Variants in JAKMIP2 observed in about 807,000 individuals in gnomAD.
JAKMIP2 encodes the protein janus kinase and microtubule interacting protein 2.
Under a neutral mutation model 115.0 loss-of-function variants are expected in JAKMIP2, and 25 were observed. The ratio of observed to expected loss-of-function variants is 0.22; its 90% CI spans 0.16 to 0.30. The LOEUF (loss-of-function observed/expected upper bound fraction) is 0.30, where lower values mean the gene tolerates loss of function less well. Among genes scored for constraint, JAKMIP2 ranks in the 10% least tolerant of loss-of-function variants. The pLI is 1.00. For missense variants in JAKMIP2, 642 were observed against 957.6 expected (o/e 0.67, Z 4.35); for synonymous variants, 334 against 343.6 (o/e 0.97, Z 0.31).
At chr5:147,697,658 A>T (rs937098927) in intron 1 of JAKMIP2, among the ~76,000 whole-genome samples, 5 of 152,208 alleles carry the variant, frequency 3.3e-5, no homozygotes, top group African/African-American at 1.2e-4. Flanking sequence ...GCCAAGGTAC[A>T]GCTCAGGCCA....
rs149801674 is a variant in JAKMIP2 at position 147,644,865 on chromosome 5, C to G, written c.1068G>C (p.Lys356Asn). Reference protein sequence around the residue: ...RMEEKLKAVTKENSEMREKIT... With the variant: ...RMEEKLKAVTNENSEMREKIT... ...TGATACACACCATTTCTGAATTTTC[C>G]TTGGTAACGGCTTTTAGTTTTTCTT... Residue 356 changes from lysine (K) to asparagine (N), a missense_variant, in exon 6 of 22, where the codon AAG becomes AAC. This residue lies in a region of JAKMIP2 where 439 missense variants were observed against 570.9 expected (regional missense o/e 0.77). Coordinates refer to ENST00000616793, the MANE Select transcript of JAKMIP2 (RefSeq NM_001270941.2). 1 of 1,613,180 alleles carries G rather than the reference C, an allele frequency of 6.2e-7. No individual in the cohort carries two copies. The highest frequency in any genetic ancestry group is 1.3e-5 in the African/African-American group (1 of 74,712).
intron 19 of JAKMIP2, among the ~76,000 whole-genome samples, chr5:147,616,238 C>T (rs1561849221): frequency 1.3e-5 from 2 of 152,126 alleles, no homozygotes; most frequent in East Asian, 1.9e-4. Flanking sequence ...TGGCCAATAT[C>T]TTCTGGAATA....
At chr5:147,677,791 A>T (rs73270129) in intron 1 of JAKMIP2, among the ~76,000 whole-genome samples, 2,832 of 152,286 alleles carry the variant, frequency 0.019, 90 homozygotes, top group African/African-American at 0.065. Flanking sequence ...CAAGCAAATT[A>T]TCATATGCAT....
chr5:147,664,231 C>G (rs771740538), intron 2 of JAKMIP2, among the ~76,000 whole-genome samples: 3 of 152,144 alleles, frequency 2.0e-5, no homozygotes, highest in Non-Finnish European at 2.9e-5. Context: ...TTTGGTGAAC[C>G]TAGCTTTTCC....
At chr5:147,759,794 G>A (rs553526261) in intron 1 of JAKMIP2, among the ~76,000 whole-genome samples, 6 of 152,212 alleles carry the variant, frequency 3.9e-5, no homozygotes, top group African/African-American at 1.4e-4. Flanking sequence ...CAATTCGTAG[G>A]ATTTGGTAAT....
intron 1 of JAKMIP2, among the ~76,000 whole-genome samples, chr5:147,704,677 C>A (rs1208433334): frequency 6.6e-6 from 1 of 152,158 alleles, no homozygotes; most frequent in African/African-American, 2.4e-5. Flanking sequence ...CTCTGGTAAT[C>A]AATTGCCCCA....
chr5:147,595,370 G>A, intron 21 of JAKMIP2: 1 of 450,548 alleles, frequency 2.2e-6, no homozygotes, highest in South Asian at 1.6e-5. Context: ...GAAAGAGCTG[G>A]AGAGAACTAA....
At chr5:147,625,603 C>G (rs1045933625) in intron 16 of JAKMIP2, among the ~76,000 whole-genome samples, 1 of 152,050 alleles carries the variant, frequency 6.6e-6, no homozygotes, top group Non-Finnish European at 1.5e-5. Flanking sequence ...TTTTTAAAAT[C>G]ATGTTTTTAA....
At chr5:147,779,612 G>C (rs977020873) in intron 1 of JAKMIP2, among the ~76,000 whole-genome samples, 6 of 152,024 alleles carry the variant, frequency 3.9e-5, no homozygotes, top group African/African-American at 1.4e-4. Flanking sequence ...CCTGAATTCT[G>C]GCAGGATTAC....
intron 2 of JAKMIP2, among the ~76,000 whole-genome samples, chr5:147,666,400 A>G (rs1759300506): frequency 6.6e-6 from 1 of 152,242 alleles, no homozygotes; most frequent in South Asian, 2.1e-4. Flanking sequence ...AGTAGAAGAA[A>G]GAAACCAATT....
chr5:147,661,930 A>G (rs1421593427), intron 2 of JAKMIP2: 1 of 156,072 alleles, frequency 6.4e-6, no homozygotes, highest in African/African-American at 2.4e-5. Context: ...CCCTAGCTAG[A>G]TCCAAACTGA....
intron 19 of JAKMIP2, 117 bp from the exon 20 acceptor site, chr5:147,612,488 G>A: frequency 1.7e-6 from 1 of 597,374 alleles, no homozygotes; most frequent in Non-Finnish European, 2.9e-6. Context: ...TGTACAAGCA[G>A]CTGGAAACAT....
At chr5:147,749,914 A>G (rs1438707513) in intron 1 of JAKMIP2, among the ~76,000 whole-genome samples, 1 of 152,142 alleles carries the variant, frequency 6.6e-6, no homozygotes. Flanking sequence ...TGTTGGTTTG[A>G]CTTATCCATT....
chr5:147,627,827 AG>A (rs1374579289), intron 16 of JAKMIP2, among the ~76,000 whole-genome samples: 2 of 151,996 alleles, frequency 1.3e-5, no homozygotes, highest in Non-Finnish European at 2.9e-5. Context: ...CACCTGGTTA[AG>A]TGTCTTTTTA....
chr5:147,732,883 C>A (rs1392022773), intron 1 of JAKMIP2, among the ~76,000 whole-genome samples: 1 of 152,158 alleles, frequency 6.6e-6, no homozygotes, highest in East Asian at 1.9e-4. Context: ...TCTGAAATAT[C>A]TAACACCATT....
chr5:147,777,440 A>G lies in JAKMIP2; in HGVS notation c.-149+5016T>C, dbSNP rs959584905. Among the ~76,000 whole-genome samples, 4 of 152,190 alleles carry G rather than the reference A, an allele frequency of 2.6e-5. No homozygotes were observed. In the East Asian group the frequency reaches 7.7e-4, roughly 29 times the overall value. Reference sequence around the variant, plus strand: ...AGCAATATAAAACAATGCATACAGTATGGTCCATGTATGAAACTGTGTCTG... The same window carrying G: ...AGCAATATAAAACAATGCATACAGTGTGGTCCATGTATGAAACTGTGTCTG... On this transcript the variant is annotated intron_variant, in intron 1 of 21. Coordinates refer to ENST00000616793, the MANE Select transcript of JAKMIP2 (RefSeq NM_001270941.2).
chr5:147,636,407 T>A, intron 11 of JAKMIP2, 123 bp from the exon 12 acceptor site: 1 of 718,436 alleles, frequency 1.4e-6, no homozygotes, highest in Admixed American at 2.5e-5. Context: ...CAAAGACTGG[T>A]AAGTAGCACC....
At chr5:147,759,843 G>C (rs1754870986) in intron 1 of JAKMIP2, among the ~76,000 whole-genome samples, 1 of 152,074 alleles carries the variant, frequency 6.6e-6, no homozygotes, top group Non-Finnish European at 1.5e-5. Flanking sequence ...TTCTCTGTGA[G>C]GAGAATTTAC....
intron 1 of JAKMIP2, among the ~76,000 whole-genome samples, chr5:147,697,318 A>T (rs1285871876): frequency 6.6e-6 from 1 of 152,200 alleles, no homozygotes. Flanking sequence ...CTATCATGAG[A>T]ACAGCACAGG....
Sources: gnomAD v4.1 joint callset for allele counts (sites outside exome capture counted in the v4.1 genomes callset) on GRCh38, gnomAD v4.1.1 for gene constraint, gnomAD v4.1.1 regional missense constraint, MANE v1.5 for transcripts, NCBI Gene and HGNC (gene_info 2026-07-23, HGNC 2026-07-21) for gene names.